The following SNX29 variants were observed in gnomAD, a reference collection of about 807,000 sequenced individuals.
The protein encoded by SNX29 is sorting nexin-29.
In SNX29, 78 loss-of-function variants were observed where a neutral mutation model predicts 102.1. The ratio of observed to expected loss-of-function variants is 0.76; its 90% confidence interval spans 0.64 to 0.92. The LOEUF is 0.92. Ranked by LOEUF, SNX29 falls within the 40% of genes least tolerant of loss-of-function variation. SNX29 has a pLI of 0.00. For missense variants in SNX29, 1,280 were observed against 1,061.7 expected (o/e 1.21, Z -2.86); for synonymous variants, 580 against 414.5 (o/e 1.40, Z -4.85).
rs1249420541 is a variant in SNX29, at chr16:12,058,495, G to GT, written c.1125-3017dup. Among the ~76,000 whole-genome samples, 169 of 106,518 alleles carry GT rather than the reference G, an allele frequency of 1.6e-3. 1 individual carries two copies. The highest frequency in any genetic ancestry group is 0.014 in the Middle Eastern group (2 of 146). The allele number at this position is 106,518 out of a possible 152,430, so 69.9% of individuals were successfully genotyped here. A position where few individuals can be genotyped will look rare whatever the true frequency, so the allele number is the denominator to read the frequency against. ...CTGGTGTTTTTTTTTTTGGTTTTTG[G>GT]TTTTTTTTTTTTTTTTGAGATGGAG... On this transcript the variant is annotated intron_variant, in intron 8 of 20. Transcript: ENST00000566228.
At position 12,305,315 on chromosome 16, in the gene SNX29, G is replaced by A. The variant is rs369336069; in HGVS notation, c.1782+27279G>A. Among the ~76,000 whole-genome samples, 23 of 152,330 alleles carry A rather than the reference G, an allele frequency of 1.5e-4. 1 individual carries two copies. The East Asian group carries it at 3.7e-3, about 24-fold the overall frequency. On this transcript the variant is annotated intron_variant, in intron 15 of 20. Transcript: ENST00000566228. ...CTCAGGTGTTGCGAAGATCCCCCCC[G>A]GCCACGGAGTGGTATCAGGACTGGA...
intron 18 of SNX29, among the ~76,000 whole-genome samples, chr16:12,433,652 G>GAAAAAAAAAA (rs1287353973): frequency 2.7e-5 from 1 of 37,010 alleles, no homozygotes; most frequent in Non-Finnish European, 6.2e-5. Flanking sequence ...AAAAAAAAAG[G>GAAAAAAAAAA]AAACTTAGCT....
intron 20 of SNX29, among the ~76,000 whole-genome samples, chr16:12,539,607 A>C (rs1353780962): frequency 1.3e-5 from 2 of 152,192 alleles, no homozygotes; most frequent in African/African-American, 2.4e-5. Flanking sequence ...AATACCTAAG[A>C]GTTGAGGACT....
intron 15 of SNX29, among the ~76,000 whole-genome samples, chr16:12,317,473 A>C (rs533913096): frequency 6.6e-6 from 1 of 152,310 alleles, no homozygotes; most frequent in South Asian, 2.1e-4. Flanking sequence ...TCCTAGGGTG[A>C]CTTGAGAACC....
At chr16:12,433,036 G>C (rs1468479430) in intron 18 of SNX29, among the ~76,000 whole-genome samples, 1 of 152,226 alleles carries the variant, frequency 6.6e-6, no homozygotes, top group Non-Finnish European at 1.5e-5. Context: ...GGAATATGCA[G>C]AATGTGGAGC....
intron 20 of SNX29, among the ~76,000 whole-genome samples, chr16:12,541,302 G>A (rs1283402899): frequency 6.6e-6 from 1 of 152,118 alleles, no homozygotes; most frequent in Non-Finnish European, 1.5e-5. Flanking sequence ...CAGTGGGGAT[G>A]GTCAGCCCTG....
intron 15 of SNX29, among the ~76,000 whole-genome samples, chr16:12,335,814 G>A (rs2081430320): frequency 6.6e-6 from 1 of 152,160 alleles, no homozygotes; most frequent in Non-Finnish European, 1.5e-5. Context: ...AGTGAACTGG[G>A]TACCATAGTT....
intron 14 of SNX29, among the ~76,000 whole-genome samples, chr16:12,230,048 T>C (rs1291482004): frequency 6.6e-6 from 1 of 152,126 alleles, no homozygotes; most frequent in Non-Finnish European, 1.5e-5. Flanking sequence ...ATGAGTGGGC[T>C]TGGCTGTATG....
intron 13 of SNX29, among the ~76,000 whole-genome samples, chr16:12,145,281 A>G (rs907087286): frequency 2.6e-5 from 4 of 152,128 alleles, no homozygotes; most frequent in African/African-American, 9.7e-5. Context: ...AAATCCCATG[A>G]CTGTAGCGTG....
At chr16:12,545,131 C>G (rs371922711) in intron 20 of SNX29, among the ~76,000 whole-genome samples, 1 of 152,156 alleles carries the variant, frequency 6.6e-6, no homozygotes, top group Non-Finnish European at 1.5e-5. Context: ...GCCCCACTTA[C>G]CTAGCACAGC....
chr16:12,457,499 A>G (rs947580066), intron 18 of SNX29, among the ~76,000 whole-genome samples: 2 of 152,224 alleles, frequency 1.3e-5, no homozygotes, highest in African/African-American at 2.4e-5. Context: ...TGCCTTGTCT[A>G]GAGCCTGAGC....
At chr16:12,454,870 C>T (rs1052698115) in intron 18 of SNX29, among the ~76,000 whole-genome samples, 3 of 152,100 alleles carry the variant, frequency 2.0e-5, no homozygotes, top group African/African-American at 7.2e-5. Context: ...CTCAGCCTCC[C>T]GAGTAACTGG....
chr16:12,084,393 C>T (rs747769571), intron 11 of SNX29, among the ~76,000 whole-genome samples: 2 of 152,206 alleles, frequency 1.3e-5, no homozygotes, highest in Non-Finnish European at 2.9e-5. Context: ...ATCCGCCCAC[C>T]TCGGCTTTCC....
At chr16:12,467,826 C>A (rs572988106) in intron 18 of SNX29, among the ~76,000 whole-genome samples, 1 of 152,328 alleles carries the variant, frequency 6.6e-6, no homozygotes, top group East Asian at 1.9e-4. Flanking sequence ...ACCTAGCATG[C>A]CAGATGGTGG....
chr16:12,548,675 T>C (rs2077765424), intron 20 of SNX29, among the ~76,000 whole-genome samples: 2 of 152,136 alleles, frequency 1.3e-5, no homozygotes, highest in Non-Finnish European at 2.9e-5. Context: ...AGAAGTGAAG[T>C]TTAAAGCCCA....
intron 13 of SNX29, among the ~76,000 whole-genome samples, chr16:12,163,003 T>G (rs11642364): frequency 0.19 from 28,196 of 152,088 alleles, 2,694 homozygotes; most frequent in East Asian, 0.27. Context: ...CACCTCAGCC[T>G]CCCAAGTAGC....
At chr16:12,462,517 C>CT (rs2086851674) in intron 18 of SNX29, among the ~76,000 whole-genome samples, 1 of 152,172 alleles carries the variant, frequency 6.6e-6, no homozygotes, top group African/African-American at 2.4e-5. Flanking sequence ...AAATAAAAAT[C>CT]TATCACCATT....
In SNX29 at chr16:12,073,523, T is replaced by C. The variant is rs148999415; in HGVS notation, c.1319+4391T>C. Among the ~76,000 whole-genome samples the C allele has an allele frequency of 8.1e-3, 1,233 of 152,340 alleles. 20 individuals are homozygous for C. Among genetic ancestry groups the C allele is most frequent in the African/African-American group, 0.028 (1,174 of 41,568 alleles). On this transcript the variant is annotated intron_variant, in intron 10 of 20. Coordinates refer to ENST00000566228, the MANE Select transcript of SNX29 (RefSeq NM_032167.5). ...ATCCTGAGTTCTAGTTTGATTGCACTGTGGTCTGAGAGACTGTTATAATTT... is the reference window on the plus strand; with the variant it reads ...ATCCTGAGTTCTAGTTTGATTGCACCGTGGTCTGAGAGACTGTTATAATTT...
At chr16:12,004,828 T>G (rs758731853) in intron 3 of SNX29, among the ~76,000 whole-genome samples, 8 of 152,262 alleles carry the variant, frequency 5.3e-5, no homozygotes, top group Non-Finnish European at 1.0e-4. Context: ...TGCTTAGGTT[T>G]TCTCCATTGC....
Sources: allele counts gnomAD v4.1 joint callset (sites outside exome capture counted in the v4.1 genomes callset), GRCh38; gene constraint gnomAD v4.1.1; transcripts MANE v1.5; gene names NCBI Gene and HGNC (gene_info 2026-07-23, HGNC 2026-07-21).